The following LOC102723971 variants were observed in gnomAD, a reference collection of about 807,000 sequenced individuals.
chr9:135,616,930 T>C, the LOC102723971 span: 1 of 398,520 alleles, frequency 2.5e-6, no homozygotes, highest in African/African-American at 2.1e-5. Flanking sequence ...AGCATGCACG[T>C]ATGCTTCGTC....
At chr9:135,615,413 G>C in the LOC102723971 span, 6 of 398,906 alleles carry the variant, frequency 1.5e-5, no homozygotes, top group Admixed American at 2.2e-4. Context: ...CGCAGACCTG[G>C]TCTCCCCGGC....
chr9:135,617,877 AGAG>A, the LOC102723971 span: 8 of 397,430 alleles, frequency 2.0e-5, no homozygotes, highest in East Asian at 3.6e-5. Context: ...TGTTCTCCGC[AGAG>A]GAGGAGGAGG....
the LOC102723971 span, chr9:135,618,086 A>T: frequency 1.2e-3 from 498 of 398,594 alleles, 8 homozygotes; most frequent in East Asian, 0.018. Context: ...CCGGACGGGA[A>T]GAGGGCCTGA....
At chr9:135,616,123 A>G in the LOC102723971 span, among the ~76,000 whole-genome samples, 3 of 152,152 alleles carry the variant, frequency 2.0e-5, no homozygotes, top group African/African-American at 4.8e-5. Context: ...AGCAAGGGGC[A>G]TGGGAGTGAG....
the LOC102723971 span, chr9:135,617,142 T>C: frequency 2.5e-6 from 1 of 395,568 alleles, no homozygotes; most frequent in African/African-American, 2.1e-5. Flanking sequence ...GGGGGCCTTC[T>C]GTGCAGGGTG....
chr9:135,616,670 C>G, the LOC102723971 span: 1 of 398,690 alleles, frequency 2.5e-6, no homozygotes, highest in East Asian at 3.6e-5. Context: ...TGTGAGTGCC[C>G]CTGTCCGGGA....
the LOC102723971 span, chr9:135,617,866 T>C: frequency 5.0e-6 from 2 of 397,524 alleles, no homozygotes; most frequent in Admixed American, 4.4e-5. Flanking sequence ...TGCCTCCCCG[T>C]TGTTCTCCGC....
At chr9:135,619,307 C>T in the LOC102723971 span, among the ~76,000 whole-genome samples, 20 of 152,290 alleles carry the variant, frequency 1.3e-4, no homozygotes, top group South Asian at 6.2e-4. Context: ...AGCTCCTGCC[C>T]GCAGCGCCAG....
chr9:135,614,357 G>T, the LOC102723971 span: 1 of 398,388 alleles, frequency 2.5e-6, no homozygotes, highest in African/African-American at 2.1e-5. Context: ...GAAGGTACGT[G>T]TCATGGGTCC....
chr9:135,618,135 G>C, the LOC102723971 span: 1 of 397,710 alleles, frequency 2.5e-6, no homozygotes, highest in Admixed American at 4.4e-5. Flanking sequence ...CACCACTGAG[G>C]GTGTAGCCCA....
the LOC102723971 span, among the ~76,000 whole-genome samples, chr9:135,617,591 G>C: frequency 6.6e-6 from 1 of 152,174 alleles, no homozygotes. Context: ...GAAGGTTGAG[G>C]GGTTGGGAGG....
At chr9:135,616,839 G>A in the LOC102723971 span, 5 of 398,214 alleles carry the variant, frequency 1.3e-5, no homozygotes, top group East Asian at 3.6e-5. Flanking sequence ...CACAGGGCAT[G>A]GGGGGGTCCA....
the LOC102723971 span, among the ~76,000 whole-genome samples, chr9:135,617,334 C>T: frequency 6.6e-6 from 1 of 152,104 alleles, no homozygotes; most frequent in Non-Finnish European, 1.5e-5. Context: ...AAACACCTTC[C>T]TTGTCTTCCT....
At chr9:135,616,173 G>C in the LOC102723971 span, among the ~76,000 whole-genome samples, 1 of 152,098 alleles carries the variant, frequency 6.6e-6, no homozygotes, top group Non-Finnish European at 1.5e-5. Flanking sequence ...GCATGGGGGC[G>C]AGGGGCCTCT....
chr9:135,617,205 A>T, the LOC102723971 span, among the ~76,000 whole-genome samples: 1 of 152,156 alleles, frequency 6.6e-6, no homozygotes, highest in Admixed American at 6.5e-5. Context: ...TCTTCCTCCG[A>T]CACATGCCCC....
chr9:135,616,917 G>A, the LOC102723971 span: 22 of 398,494 alleles, frequency 5.5e-5, no homozygotes, highest in Middle Eastern at 6.2e-4. Context: ...AGTCGAGGGC[G>A]GCAGCATGCA....
the LOC102723971 span, among the ~76,000 whole-genome samples, chr9:135,614,862 C>T: frequency 3.3e-5 from 5 of 152,054 alleles, no homozygotes; most frequent in East Asian, 9.7e-4. Context: ...AGCACCAGAC[C>T]CTCCCCTCTG....
At chr9:135,616,895 G>A in the LOC102723971 span, 21 of 398,650 alleles carry the variant, frequency 5.3e-5, no homozygotes, top group South Asian at 6.4e-4. Flanking sequence ...CAGCTGGCCC[G>A]GGGTCTCCAA....
chr9:135,616,721 G>T, the LOC102723971 span: 1 of 398,418 alleles, frequency 2.5e-6, no homozygotes, highest in Non-Finnish European at 4.4e-6. Context: ...AGCAAGGGGC[G>T]CTCGGATGTC....
Sources: allele counts gnomAD v4.1 joint callset (sites outside exome capture counted in the v4.1 genomes callset), GRCh38; gene constraint gnomAD v4.1.1; transcripts MANE v1.5.